EQTN: variants seen among roughly 807,000 people sequenced by gnomAD.
EQTN encodes Acrosome formation associated factor.
EQTN carries 29 observed loss-of-function variants against 26.9 expected under a neutral mutation model. That is an observed-to-expected ratio of 1.08 (90% CI 0.80 to 1.47). The LOEUF (loss-of-function observed/expected upper bound fraction) is 1.47. Ranked by LOEUF, EQTN falls within the 40% of genes most tolerant of loss-of-function variation. The probability of loss-of-function intolerance (pLI) is 0.00; values close to 1 mark genes in which losing one functional copy is unlikely to be tolerated. For synonymous variants in EQTN, 129 were observed against 120.0 expected (o/e 1.07, Z -0.49); for missense variants, 391 against 346.1 (o/e 1.13, Z -1.03).
chr9:27,286,088 A>G (rs776059747), intron 7 of EQTN, 121 bp downstream of exon 7: 21 of 1,006,984 alleles, frequency 2.1e-5, no homozygotes, highest in Non-Finnish European at 2.8e-5. Flanking sequence ...AATGGAATCA[A>G]TTTGAATGTC....
intron 6 of EQTN, among the ~76,000 whole-genome samples, chr9:27,286,974 G>C (rs1820137567): frequency 6.6e-6 from 1 of 151,976 alleles, no homozygotes; most frequent in Non-Finnish European, 1.5e-5. Context: ...TCTAAAATAA[G>C]TTAAATATAA....
chr9:27,288,615 A>C (rs1261573163), intron 6 of EQTN, among the ~76,000 whole-genome samples: 2 of 152,202 alleles, frequency 1.3e-5, no homozygotes, highest in Non-Finnish European at 2.9e-5. Context: ...GGAGGCAACC[A>C]AGATGTCATT....
chr9:27,296,847 A>G (rs1034090193), intron 1 of EQTN, 109 bp from the exon 2 acceptor site: 39 of 1,560,040 alleles, frequency 2.5e-5, no homozygotes, highest in Non-Finnish European at 3.1e-5. Context: ...GAGATTTAAA[A>G]TCTAAAACAT....
In EQTN at chr9:27,285,133, C is replaced by CTTTTTT. The variant is rs201723057; in HGVS notation, c.636-167_636-162dup. On this transcript the variant is annotated intron_variant, in intron 7 of 7. Coordinates refer to ENST00000380032, the MANE Select transcript of EQTN (RefSeq NM_020641.3). ...GATATATAGTTTTTCTTTTCTTTTC[C>CTTTTTT]TTTTTTTTTTTTTTTTTTTTTTTTT... Among the ~76,000 whole-genome samples the CTTTTTT allele has an allele frequency of 7.1e-4, 55 of 77,082 alleles. 1 individual carries two copies. Among genetic ancestry groups the CTTTTTT allele is most frequent in the Non-Finnish European group, 8.2e-4 (36 of 43,758 alleles). The allele number at this position is 77,082 out of a possible 152,430, so 50.6% of individuals were successfully genotyped here.
intron 3 of EQTN, among the ~76,000 whole-genome samples, chr9:27,293,741 G>A (rs893376581): frequency 2.0e-5 from 3 of 152,170 alleles, no homozygotes; most frequent in Admixed American, 1.3e-4. Flanking sequence ...ATTCCCGTAA[G>A]TGATTTACTG....
chr9:27,292,847 G>C (rs1820265649), intron 3 of EQTN, among the ~76,000 whole-genome samples: 1 of 152,206 alleles, frequency 6.6e-6, no homozygotes, highest in Non-Finnish European at 1.5e-5. Flanking sequence ...TCTTTGTCCA[G>C]AGCAGCTTGG....
chr9:27,285,810 G>C (rs956177477), intron 7 of EQTN, among the ~76,000 whole-genome samples: 2 of 152,134 alleles, frequency 1.3e-5, no homozygotes, highest in Non-Finnish European at 2.9e-5. Flanking sequence ...AGAGCCTCTG[G>C]ACAGGTCTCA....
chr9:27,290,005 T>A (rs1366340377), intron 5 of EQTN, among the ~76,000 whole-genome samples: 1 of 152,218 alleles, frequency 6.6e-6, no homozygotes, highest in Non-Finnish European at 1.5e-5. Context: ...TGTGTTTCTG[T>A]TAAAAGATAC....
chr9:27,294,475 GT>G (rs975745730), intron 2 of EQTN, 73 bp from the exon 3 acceptor site: 8 of 857,000 alleles, frequency 9.3e-6, no homozygotes, highest in Non-Finnish European at 1.4e-5. Context: ...CTTCCTCTGA[GT>G]TTTTTTCTTA....
At chr9:27,295,122 G>A (rs1358855531) in intron 2 of EQTN, among the ~76,000 whole-genome samples, 1 of 152,190 alleles carries the variant, frequency 6.6e-6, no homozygotes, top group Non-Finnish European at 1.5e-5. Flanking sequence ...ACCCCAGTGT[G>A]TATATGAGAA....
chr9:27,296,047 T>G lies in EQTN; in HGVS notation c.202+566A>C, dbSNP rs138163194. ...CAGGTGTGGTGGCTCGCACCTGTAA[T>G]CCTAGCACTTTGGGAGGGTGAGATG... On this transcript the variant is annotated intron_variant, in intron 2 of 7. Transcript: ENST00000380032. Among the ~76,000 whole-genome samples, 800 of 152,176 alleles carry G rather than the reference T, an allele frequency of 5.3e-3. 6 individuals carry two copies. The highest frequency in any genetic ancestry group is 0.018 in the African/African-American group (750 of 41,492).
At chr9:27,287,201 T>C (rs992775231) in intron 6 of EQTN, among the ~76,000 whole-genome samples, 2 of 152,150 alleles carry the variant, frequency 1.3e-5, no homozygotes. Flanking sequence ...TTCTAGGTAA[T>C]GATATTTAGG....
chr9:27,286,715 A>T, intron 6 of EQTN, among the ~76,000 whole-genome samples: 1 of 152,204 alleles, frequency 6.6e-6, no homozygotes, highest in Admixed American at 6.5e-5. Context: ...CTCTGATTTA[A>T]TCTACCATGT....
intron 6 of EQTN, among the ~76,000 whole-genome samples, chr9:27,289,376 T>C (rs74942189): frequency 0.052 from 7,861 of 152,192 alleles, 302 homozygotes; most frequent in African/African-American, 0.098. Context: ...CTAGGAAAAA[T>C]ATTATCATCA....
chr9:27,286,264 AGAG>A lies in EQTN; in HGVS notation c.577_579del (p.Leu193del). ...CTACAGAATGCCAAGAGGACCACAA[AGAG>A]GAGGAGGGTCATCAACGAGATTCCC... On this transcript the variant is annotated inframe_deletion, in exon 7 of 8. Transcript: ENST00000380032. The A allele has an allele frequency of 6.2e-7, 1 of 1,613,918 alleles. No individual in the cohort carries two copies. The highest frequency in any genetic ancestry group is 8.5e-7 in the Non-Finnish European group (1 of 1,179,966).
chr9:27,288,439 G>T (rs1183660238), intron 6 of EQTN, among the ~76,000 whole-genome samples: 9 of 152,156 alleles, frequency 5.9e-5, no homozygotes, highest in Admixed American at 2.0e-4. Flanking sequence ...CCCTCCCAAA[G>T]TGCTAGGATT....
Position 27,284,677 on chromosome 9 carries a change from T to C in EQTN, c.*46A>G. 3 of 1,574,408 alleles carry C rather than the reference T, an allele frequency of 1.9e-6. No homozygotes were observed. Among genetic ancestry groups the C allele is most frequent in the Admixed American group, 1.8e-5 (1 of 54,716 alleles). The stretch of plus-strand genomic sequence containing the variant: ...TCTTTTGATGACAAAATAATTAAAG[T>C]TATTTATTCATCAATAAGATTTCTT... On this transcript the variant is annotated 3_prime_UTR_variant, in exon 8 of 8. Coordinates refer to ENST00000380032, the MANE Select transcript of EQTN (RefSeq NM_020641.3).
Position 27,297,030 on chromosome 9 carries a change from A to G in EQTN, c.26T>C (p.Ile9Thr), listed in dbSNP as rs1820359430. The G allele has an allele frequency of 6.2e-7, 1 of 1,610,318 alleles. No individual in the cohort carries two copies. Among genetic ancestry groups the G allele is most frequent in the African/African-American group, 1.3e-5 (1 of 74,792 alleles). The change falls in exon 1 of 8, where the codon ATA (isoleucine) becomes ACA (threonine). Residue 9 changes from isoleucine (I) to threonine (T), a missense_variant. Transcript: ENST00000380032. ...ACTTTTTAAGGAAAAAACTCCAGGTATAAAAATAAACAATATAAAATTCAT... is the reference window on the plus strand; with the variant it reads ...ACTTTTTAAGGAAAAAACTCCAGGTGTAAAAATAAACAATATAAAATTCAT... The part of the protein sequence containing the change: MNFILFIF[I>T]PGVFSLKSST...
intron 6 of EQTN, among the ~76,000 whole-genome samples, chr9:27,287,367 G>A (rs139484333): frequency 0.014 from 2,195 of 152,264 alleles, 25 homozygotes; most frequent in Non-Finnish European, 0.024. Context: ...AACAAATTAC[G>A]TTAAAATGGG....
Sources: allele counts gnomAD v4.1 joint callset (sites outside exome capture counted in the v4.1 genomes callset), GRCh38; gene constraint gnomAD v4.1.1; transcripts MANE v1.5; gene names NCBI Gene and HGNC (gene_info 2026-07-23, HGNC 2026-07-21).